The following CCNL1 variants were observed in gnomAD, a reference collection of about 807,000 sequenced individuals.
CCNL1 encodes cyclin L1, also known as cyclin-L1.
In CCNL1, 13 loss-of-function variants were observed where a neutral mutation model predicts 60.6. The observed-to-expected ratio is 0.21, with a 90% CI of 0.14 to 0.34. CCNL1 has a LOEUF of 0.34. Ranked by LOEUF, CCNL1 falls within the 10% of genes least tolerant of loss-of-function variation. CCNL1 has a pLI of 1.00. For missense variants in CCNL1, 481 were observed against 664.3 expected, an observed-to-expected ratio of 0.72 and a Z score of 3.03; for synonymous variants, 270 against 244.3, an observed-to-expected ratio of 1.10 and a Z score of -0.98.
chr3:157,150,628 C>A, intron 5 of CCNL1: 1 of 1,181,118 alleles, frequency 8.5e-7, no homozygotes, highest in African/African-American at 1.6e-5. Context: ...TATTACAATC[C>A]AAACTAGAAA....
At chr3:157,159,276 G>A (rs556953954) in intron 2 of CCNL1, 129 bp downstream of exon 2, 10 of 788,930 alleles carry the variant, frequency 1.3e-5, no homozygotes, top group East Asian at 5.4e-5. Flanking sequence ...ACTTCCTGGC[G>A]AGTGAGAAGT....
intron 2 of CCNL1, chr3:157,159,202 G>A: frequency 1.6e-6 from 1 of 640,250 alleles, no homozygotes; most frequent in East Asian, 2.7e-5. Flanking sequence ...GTTGAAAACT[G>A]TACTTTTCGT....
chr3:157,158,680 G>A (rs1191996316), intron 3 of CCNL1, 186 bp downstream of exon 3: 2 of 481,824 alleles, frequency 4.2e-6, no homozygotes, highest in South Asian at 4.8e-5. Flanking sequence ...TAGATAACCG[G>A]TTAATTATGT....
At position 157,156,863 on chromosome 3, in the gene CCNL1, T is replaced by A. The variant is rs1324985016; in HGVS notation, c.488+2003A>T. ...AATAAATACAAAGCTATAGTTCTAA[T>A]AACTTGGACAGCAAAGACAAAAGCT... On this transcript the variant is annotated intron_variant, in intron 3 of 10. Coordinates refer to ENST00000295926, the MANE Select transcript of CCNL1 (RefSeq NM_020307.4). The A allele has an allele frequency of 2.5e-6, 3 of 1,191,974 alleles. No homozygotes were observed. In the African/African-American group the frequency reaches 4.8e-5, roughly 19 times the overall value. 73.8% of individuals were successfully genotyped at this position (1,191,974 alleles called of 1,614,324 possible). A position where few individuals can be genotyped will look rare whatever the true frequency, so the allele number is the denominator to read the frequency against.
chr3:157,157,689 A>T (rs1293714740), intron 3 of CCNL1, among the ~76,000 whole-genome samples: 1 of 152,234 alleles, frequency 6.6e-6, no homozygotes, highest in Non-Finnish European at 1.5e-5. Flanking sequence ...CCCTGGACAC[A>T]GTTAAGGTGA....
Position 157,158,848 on chromosome 3 carries a change from C to A in CCNL1, c.488+18G>T. The A allele has an allele frequency of 6.7e-7, 1 of 1,484,858 alleles. No individual in the cohort carries two copies. The highest frequency in any genetic ancestry group is 1.1e-5 in the South Asian group (1 of 88,162). The allele number at this position is 1,484,858 out of a possible 1,614,324, so 92.0% of individuals were successfully genotyped here. On this transcript the variant is annotated intron_variant, in intron 3 of 10. Coordinates refer to ENST00000295926, the MANE Select transcript of CCNL1 (RefSeq NM_020307.4). ...CAGCAGTAGCAAGAGATACTATGTT[C>A]AATAATGCCAATCTTACCTTTTTCC...
chr3:157,151,342 A>G (rs1166496193), intron 5 of CCNL1: 1 of 985,820 alleles, frequency 1.0e-6, no homozygotes, highest in Non-Finnish European at 1.2e-6. Context: ...CTGAACCACA[A>G]ACTCCTTGGC....
chr3:157,159,972 C>A lies in CCNL1; in HGVS notation c.123G>T (p.Leu41=). ...TTTTTTTGGI[L]IGDRLYSEVS... ...CTTCCGAGTACAGGCGATCGCCGAT[C>A]AGGATCCCTCCCGTCGTGGTCGTCG... is the stretch of plus-strand genomic sequence containing the variant. Residue 41 remains leucine (L), a synonymous_variant, in exon 1 of 11, where the codon CTG becomes CTT. Coordinates refer to ENST00000295926, the MANE Select transcript of CCNL1 (RefSeq NM_020307.4). The A allele has an allele frequency of 6.3e-7, 1 of 1,592,690 alleles. No individual in the cohort carries two copies. Among genetic ancestry groups the A allele is most frequent in the Non-Finnish European group, 8.5e-7 (1 of 1,169,770 alleles).
chr3:157,149,310 A>G lies in CCNL1; in HGVS notation c.1209T>C (p.Ser403=). 1.2e-6 allele frequency: 2 copies of G among 1,613,582 alleles called. No individual in the cohort carries two copies. The highest frequency in any genetic ancestry group is 1.7e-6 in the Non-Finnish European group (2 of 1,179,474). The change falls in exon 10 of 11, where the codon TCT becomes TCC. Residue 403 remains serine (S), a synonymous_variant. Transcript: ENST00000295926. ...ACTGTCTTCTTGGAGTATGTGATCT[A>G]GAACGTGATCGTGTTCTTGACCTCG... The part of the protein sequence containing the change: ...SRSRSRTRSR[S]RSHTPRRHYN...
chr3:157,159,716 G>A (rs939994309), intron 1 of CCNL1, 76 bp downstream of exon 1: 11 of 1,311,628 alleles, frequency 8.4e-6, no homozygotes, highest in Admixed American at 5.5e-5. Context: ...CCCGGGGCAC[G>A]GTGATACTGA....
intron 3 of CCNL1, chr3:157,154,013 T>C (rs1453515647): frequency 6.6e-6 from 1 of 152,184 alleles, no homozygotes; most frequent in African/African-American, 2.4e-5. Context: ...AGGGCCATAA[T>C]GAGGGAACCA....
chr3:157,147,941 A>G lies in CCNL1; in HGVS notation c.*300T>C. Reference sequence around the variant, plus strand: ...TCTGCAATTTTATCTGTATAAAAATAAGATACATTTTTACAGAATTCACGC... The same window carrying G: ...TCTGCAATTTTATCTGTATAAAAATGAGATACATTTTTACAGAATTCACGC... On this transcript the variant is annotated 3_prime_UTR_variant, in exon 11 of 11. Transcript: ENST00000295926. 9.2e-7 allele frequency: 1 copy of G among 1,085,662 alleles called. No homozygotes were observed. Among genetic ancestry groups the G allele is most frequent in the Non-Finnish European group, 1.1e-6 (1 of 895,064 alleles). The allele number at this position is 1,085,662 out of a possible 1,614,324, so 67.3% of individuals were successfully genotyped here. A position where few individuals can be genotyped will look rare whatever the true frequency, so the allele number is the denominator to read the frequency against.
Position 157,148,118 on chromosome 3 carries a change from A to C in CCNL1, c.*123T>G. 4 of 1,452,614 alleles carry C rather than the reference A, an allele frequency of 2.8e-6. No homozygotes were observed. In the Middle Eastern group the frequency reaches 1.0e-3, roughly 370 times the overall value. The allele number at this position is 1,452,614 out of a possible 1,614,324, so 90.0% of individuals were successfully genotyped here. ...AGAAACTGTCCTCAGTGTTCTAGAGACCTAGAGGGTTTCAAGAAATCAAAT... is the reference window on the plus strand; with the variant it reads ...AGAAACTGTCCTCAGTGTTCTAGAGCCCTAGAGGGTTTCAAGAAATCAAAT... On this transcript the variant is annotated 3_prime_UTR_variant, in exon 11 of 11. Transcript: ENST00000295926.
At chr3:157,148,720 C>T (rs1430379322) in intron 10 of CCNL1, 131 bp from the exon 11 acceptor site, 1 of 711,796 alleles carries the variant, frequency 1.4e-6, no homozygotes, top group African/African-American at 1.8e-5. Context: ...TTCAAAATCT[C>T]CCCACCCCTC....
Position 157,147,593 on chromosome 3 carries a change from T to C in CCNL1, c.*648A>G, listed in dbSNP as rs963262964. 1.1e-5 allele frequency: 11 copies of C among 985,294 alleles called. No individual in the cohort carries two copies. Among genetic ancestry groups the C allele is most frequent in the East Asian group, 2.3e-4 (2 of 8,838 alleles). 61.0% of individuals were successfully genotyped at this position (985,294 alleles called of 1,614,324 possible). A position where few individuals can be genotyped will look rare whatever the true frequency, so the allele number is the denominator to read the frequency against. On this transcript the variant is annotated 3_prime_UTR_variant, in exon 11 of 11. Coordinates refer to ENST00000295926, the MANE Select transcript of CCNL1 (RefSeq NM_020307.4). The stretch of plus-strand genomic sequence containing the variant: ...CTAAAATATAACATTTAATGTCACA[T>C]TGTTGGGCGACTCCCATTTACTTTT...
chr3:157,146,962 T>C (rs187396938), downstream of CCNL1, among the ~76,000 whole-genome samples: 1 of 152,340 alleles, frequency 6.6e-6, no homozygotes, highest in East Asian at 1.9e-4. Context: ...TCCTTCAAAG[T>C]AGTTGCCTTG....
At chr3:157,153,763 T>G (rs577897212) in intron 3 of CCNL1, 1 of 151,652 alleles carries the variant, frequency 6.6e-6, no homozygotes, top group Non-Finnish European at 1.5e-5. Flanking sequence ...TTGGGGGGGG[T>G]GGGAACAGTG....
rs1344882520 is a variant in CCNL1 at position 157,149,924 on chromosome 3, T to C, written c.933A>G (p.Gln311=). 3 of 1,614,132 alleles carry C rather than the reference T, an allele frequency of 1.9e-6. No homozygotes were observed. The highest frequency in any genetic ancestry group is 2.5e-6 in the Non-Finnish European group (3 of 1,179,984). The change falls in exon 8 of 11, where the codon CAA becomes CAG. Residue 311 remains glutamine (Q), a synonymous_variant. Coordinates refer to ENST00000295926, the MANE Select transcript of CCNL1 (RefSeq NM_020307.4). ...KEVEKRKVAL[Q]EAKLKAKGLN... Reference sequence around the variant, plus strand: ...ATCCCTTTGCTTTTAATTTGGCTTCTTGTAAGGCTACTTTTCTTTTTTCTA... The same window carrying C: ...ATCCCTTTGCTTTTAATTTGGCTTCCTGTAAGGCTACTTTTCTTTTTTCTA...
Position 157,147,812 on chromosome 3 carries a change from T to C in CCNL1, c.*429A>G, listed in dbSNP as rs953288523. ...TTGAAGCAGTTTAGAAAAAACAAGATTTGTATTTTATTTCCTTGTAAAAAT... is the reference window on the plus strand; with the variant it reads ...TTGAAGCAGTTTAGAAAAAACAAGACTTGTATTTTATTTCCTTGTAAAAAT... On this transcript the variant is annotated 3_prime_UTR_variant, in exon 11 of 11. Coordinates refer to ENST00000295926, the MANE Select transcript of CCNL1 (RefSeq NM_020307.4). The C allele has an allele frequency of 7.1e-6, 7 of 984,958 alleles. No individual in the cohort carries two copies. In the African/African-American group the frequency reaches 1.0e-4, roughly 15 times the overall value. The allele number at this position is 984,958 out of a possible 1,614,324, so 61.0% of individuals were successfully genotyped here.
Sources: gnomAD v4.1 joint callset for allele counts (sites outside exome capture counted in the v4.1 genomes callset) on GRCh38, gnomAD v4.1.1 for gene constraint, MANE v1.5 for transcripts, NCBI Gene and HGNC (gene_info 2026-07-23, HGNC 2026-07-21) for gene names.